Variants in CACNA2D1 observed in about 807,000 individuals in gnomAD.
The protein encoded by CACNA2D1 is calcium voltage-gated channel auxiliary subunit alpha2delta 1, also known as voltage-dependent calcium channel subunit alpha-2/delta-1.
Under a neutral mutation model 171.5 loss-of-function variants are expected in CACNA2D1, and 53 were observed. That is an observed-to-expected ratio of 0.31 (90% CI 0.25 to 0.39). The LOEUF (loss-of-function observed/expected upper bound fraction) is 0.39, where lower values mean the gene tolerates loss of function less well. Among genes scored for constraint, CACNA2D1 ranks in the 10% least tolerant of loss-of-function variants. The pLI is 1.00. For synonymous variants in CACNA2D1, 442 were observed against 443.1 expected, an observed-to-expected ratio of 1.00 and a Z score of 0.03; for missense variants, 903 against 1,299.8, an observed-to-expected ratio of 0.69 and a Z score of 4.69.
At chr7:82,077,138 T>G (rs577907297) in intron 7 of CACNA2D1, among the ~76,000 whole-genome samples, 3 of 152,308 alleles carry the variant, frequency 2.0e-5, no homozygotes, top group Admixed American at 6.5e-5. Flanking sequence ...AAATTTAAAT[T>G]TTCTAAAAGG....
chr7:82,358,629 ACT>A (rs1429099876), intron 1 of CACNA2D1, among the ~76,000 whole-genome samples: 4 of 150,864 alleles, frequency 2.7e-5, no homozygotes, highest in Admixed American at 2.6e-4. Context: ...CTATCACTAA[ACT>A]CTGATTCCTA....
intron 6 of CACNA2D1, among the ~76,000 whole-genome samples, chr7:82,107,640 GTGGCACAATCTCAGCTCACTGCAA>G (rs1211287045): frequency 6.8e-6 from 1 of 147,708 alleles, no homozygotes; most frequent in Non-Finnish European, 1.5e-5. Flanking sequence ...CTGGAATGCA[GTGGCACAATCTCAGCTCACTGCAA>G]CCTCCACCTC....
chr7:81,968,983 A>C lies in CACNA2D1; in HGVS notation c.2309-10T>G. On this transcript the variant is annotated splice_polypyrimidine_tract_variant and intron_variant, in intron 28 of 38. Coordinates refer to ENST00000356860, the MANE Select transcript of CACNA2D1 (RefSeq NM_000722.4). ...GCACCAGGTCCACTTTCTAAAAAAA[A>C]AATAAATAAATAAAACACCTATCAA... 1 of 1,403,136 alleles carries C rather than the reference A, an allele frequency of 7.1e-7. No individual in the cohort carries two copies. The highest frequency in any genetic ancestry group is 1.0e-6 in the Non-Finnish European group (1 of 993,002). 86.9% of individuals were successfully genotyped at this position (1,403,136 alleles called of 1,614,324 possible).
chr7:82,282,606 A>G lies in CACNA2D1; in HGVS notation c.294+52529T>C, dbSNP rs370308621. On this transcript the variant is annotated intron_variant, in intron 3 of 38. Transcript: ENST00000356860. Reference sequence around the variant, plus strand: ...ACCTAAGTAATTATCCTATTTTCTTATATTTATAACTAGTTCATATACTGC... The same window carrying G: ...ACCTAAGTAATTATCCTATTTTCTTGTATTTATAACTAGTTCATATACTGC... Among the ~76,000 whole-genome samples the G allele has an allele frequency of 4.6e-5, 7 of 151,788 alleles. No homozygotes were observed. In the East Asian group the frequency reaches 7.7e-4, roughly 17 times the overall value.
chr7:82,030,114 G>C (rs889949472), intron 12 of CACNA2D1, among the ~76,000 whole-genome samples: 1 of 151,628 alleles, frequency 6.6e-6, no homozygotes, highest in African/African-American at 2.4e-5. Context: ...TGCAACCTTT[G>C]TTTAAAAAGT....
At position 82,066,490 on chromosome 7, in the gene CACNA2D1, A is replaced by C; in HGVS notation, c.693T>G (p.Asn231Lys). The C allele has an allele frequency of 3.1e-6, 5 of 1,607,740 alleles. No individual in the cohort carries two copies. Among genetic ancestry groups the C allele is most frequent in the Non-Finnish European group, 4.2e-6 (5 of 1,177,854 alleles). The change falls in exon 8 of 39, where the codon AAT becomes AAG. Residue 231 changes from asparagine (N) to lysine (K), a missense_variant. Physicochemically the swap from Asn to Lys is moderately conservative, Grantham distance 94. Around this residue, in one of 5 missense-constraint regions of CACNA2D1, gnomAD observed 189 missense variants for 266.8 expected, o/e 0.71. Coordinates refer to ENST00000356860, the MANE Select transcript of CACNA2D1 (RefSeq NM_000722.4). ...SPWVDNSRTP[N>K]KIDLYDVRRR... ...TGCGTACATCATAAAGGTCAATCTT[A>C]TTTGGAGTTCTACTATTATCAACCC...
At chr7:82,441,023 A>T (rs1319145618) in intron 1 of CACNA2D1, among the ~76,000 whole-genome samples, 1 of 151,862 alleles carries the variant, frequency 6.6e-6, no homozygotes, top group African/African-American at 2.4e-5. Context: ...TTACATACAG[A>T]AGCATAATAA....
At chr7:82,181,129 G>A (rs749194867) in intron 3 of CACNA2D1, among the ~76,000 whole-genome samples, 4 of 132,508 alleles carry the variant, frequency 3.0e-5, no homozygotes, top group Non-Finnish European at 4.6e-5. Flanking sequence ...ACTACGAGGG[G>A]AAGAGAAGTT....
intron 1 of CACNA2D1, among the ~76,000 whole-genome samples, chr7:82,378,958 T>C (rs978043524): frequency 5.3e-5 from 8 of 151,048 alleles, no homozygotes; most frequent in African/African-American, 1.7e-4. Context: ...TGTGTGTGTG[T>C]GTGTGTGTGT....
intron 35 of CACNA2D1, 95 bp downstream of exon 35, chr7:81,962,345 C>T: frequency 1.1e-6 from 1 of 927,464 alleles, no homozygotes; most frequent in Non-Finnish European, 1.7e-6. Flanking sequence ...TTTTCTCTTT[C>T]ACACAAATAT....
chr7:82,033,094 GA>G lies in CACNA2D1; in HGVS notation c.1039-194del, dbSNP rs1802911352. ...CACCAGGCCTTCCCCTCACCACCCA[GA>G]TAACCATAAGTCTATCTCACTTCCT... On this transcript the variant is annotated intron_variant, in intron 11 of 38. Transcript: ENST00000356860. The G allele has an allele frequency of 5.8e-6, 3 of 513,686 alleles. No individual in the cohort carries two copies. In the South Asian group the frequency reaches 7.6e-5, roughly 13 times the overall value. The allele number at this position is 513,686 out of a possible 1,614,324, so 31.8% of individuals were successfully genotyped here. A position where few individuals can be genotyped will look rare whatever the true frequency, so the allele number is the denominator to read the frequency against.
At chr7:82,207,615 G>A (rs1327859256) in intron 3 of CACNA2D1, among the ~76,000 whole-genome samples, 1 of 152,132 alleles carries the variant, frequency 6.6e-6, no homozygotes, top group East Asian at 1.9e-4. Flanking sequence ...TCAGGACAGA[G>A]GCAATTTTAA....
intron 3 of CACNA2D1, among the ~76,000 whole-genome samples, chr7:82,297,270 T>A (rs1812419210): frequency 6.6e-6 from 1 of 151,638 alleles, no homozygotes; most frequent in Admixed American, 6.6e-5. Context: ...TAGAAAAAAC[T>A]CACATTAAAA....
At chr7:82,030,407 G>GAA (rs71520796) in intron 12 of CACNA2D1, among the ~76,000 whole-genome samples, 135 of 142,184 alleles carry the variant, frequency 9.5e-4, no homozygotes, top group African/African-American at 2.1e-3. Flanking sequence ...TCCGAAACAG[G>GAA]AAAAAAAAAA....
chr7:82,242,227 C>T (rs1804391488), intron 3 of CACNA2D1, among the ~76,000 whole-genome samples: 1 of 151,726 alleles, frequency 6.6e-6, no homozygotes. Context: ...TATAAGGGAG[C>T]GTATAAGAAC....
intron 7 of CACNA2D1, among the ~76,000 whole-genome samples, chr7:82,082,120 G>T (rs1234011269): frequency 1.3e-5 from 2 of 152,200 alleles, no homozygotes; most frequent in African/African-American, 4.8e-5. Context: ...AACTCTGTCA[G>T]TCCCTTGCTC....
intron 18 of CACNA2D1, among the ~76,000 whole-genome samples, chr7:81,998,717 A>T (rs1476058394): frequency 6.6e-6 from 1 of 152,256 alleles, no homozygotes; most frequent in East Asian, 1.9e-4. Context: ...GAAAATAAGT[A>T]TTAAATTTTT....
Position 81,962,482 on chromosome 7 carries a change from G to A in CACNA2D1, c.2794C>T (p.Gln932Ter), listed in dbSNP as rs1317274148. 6.3e-7 allele frequency: 1 copy of A among 1,599,438 alleles called. No individual in the cohort carries two copies. The highest frequency in any genetic ancestry group is 8.5e-7 in the Non-Finnish European group (1 of 1,171,430). Residue 932 changes from glutamine to a stop codon, truncating the protein, a stop_gained, in exon 35 of 39, where the codon CAG (glutamine) becomes TAG (stop). Coordinates refer to ENST00000356860, the MANE Select transcript of CACNA2D1 (RefSeq NM_000722.4). LOFTEE classifies it high-confidence loss of function. Reference protein sequence around the residue: ...ATAAAWSILQQFLLSLTFPRL... With the variant: ...ATAAAWSILQ The stretch of plus-strand genomic sequence containing the variant: ...GGAAAGGTCAAACTCAAGAGAAACT[G>A]CTGTAGAATAGACCTGAATTTTTCA...
At chr7:82,243,526 A>T (rs1007169112) in intron 3 of CACNA2D1, among the ~76,000 whole-genome samples, 2 of 152,196 alleles carry the variant, frequency 1.3e-5, no homozygotes, top group African/African-American at 4.8e-5. Flanking sequence ...TCAATTTGTT[A>T]TAAAAGTAAC....
Sources: allele counts gnomAD v4.1 joint callset (sites outside exome capture counted in the v4.1 genomes callset), GRCh38; gene constraint gnomAD v4.1.1; regional missense constraint gnomAD v4.1.1; transcripts MANE v1.5; gene names NCBI Gene and HGNC (gene_info 2026-07-23, HGNC 2026-07-21).